BEST2: variants seen among roughly 807,000 people sequenced by gnomAD.
BEST2 encodes bestrophin 2, also known as bestrophin-2a.
A neutral mutation model predicts 49.0 loss-of-function variants in BEST2; 36 were observed. The observed-to-expected ratio is 0.73, with a 90% CI of 0.56 to 0.97. The LOEUF (loss-of-function observed/expected upper bound fraction) is 0.97. Among genes scored for constraint, BEST2 ranks in the 50% least tolerant of loss-of-function variants. BEST2 has a pLI of 0.00. For synonymous variants in BEST2, 335 were observed against 304.4 expected (o/e 1.10, Z -1.05); for missense variants, 672 against 710.0 (o/e 0.95, Z 0.61).
rs1287089879 is a variant in BEST2 at position 12,752,872 on chromosome 19, G to A, written c.152+128G>A. The A allele has an allele frequency of 5.7e-6, 4 of 703,750 alleles. No homozygotes were observed. In the East Asian group the frequency reaches 2.1e-4, roughly 38 times the overall value. The allele number at this position is 703,750 out of a possible 1,614,324, so 43.6% of individuals were successfully genotyped here. On this transcript the variant is annotated intron_variant, in intron 2 of 9. Coordinates refer to ENST00000553030, the MANE Select transcript of BEST2 (RefSeq NM_017682.3). ...ATATCTATGTTTTTTAAACTGAGAT[G>A]GAGTCTCACTCTGTCACCCAGGCTG...
rs1967931850 is a variant in BEST2, at chr19:12,755,540, A to G, written c.715-75A>G. ...AAGGGGAAACCAAGAACTAGCTAAG[A>G]CCCCCATCATAATGATGCCTAATCC... is the stretch of plus-strand genomic sequence containing the variant. On this transcript the variant is annotated intron_variant, in intron 6 of 9. Transcript: ENST00000553030. The surrounding 1 kb of genome is among the most constrained non-coding windows in gnomAD (Gnocchi z 4.4). 2 of 1,607,762 alleles carry G rather than the reference A, an allele frequency of 1.2e-6. No individual in the cohort carries two copies. Among genetic ancestry groups the G allele is most frequent in the South Asian group, 2.2e-5 (2 of 90,912 alleles).
In BEST2 at chr19:12,755,011, G is replaced by T; in HGVS notation, c.616G>T (p.Ala206Ser). 1 of 1,602,872 alleles carries T rather than the reference G, an allele frequency of 6.2e-7. No individual in the cohort carries two copies. The highest frequency in any genetic ancestry group is 8.5e-7 in the Non-Finnish European group (1 of 1,176,854). Reference protein sequence around the residue: ...RREGRIRDNSALKLLLEELNV... With the variant: ...RREGRIRDNSSLKLLLEELNV... ...CGAGGGCCGCATCCGCGACAACAGCGCCCTTAAGCTGCTGCTCGAGGTGGG... is the reference window on the plus strand; with the variant it reads ...CGAGGGCCGCATCCGCGACAACAGCTCCCTTAAGCTGCTGCTCGAGGTGGG... The change falls in exon 5 of 10, where the codon GCC (alanine) becomes TCC (serine). Residue 206 changes from alanine to serine, a missense_variant. Physicochemically the swap from Ala to Ser is moderately conservative, Grantham distance 99. Coordinates refer to ENST00000553030, the MANE Select transcript of BEST2 (RefSeq NM_017682.3). This position sits in a 1 kb window ranked among gnomAD's most constrained non-coding sequence, Gnocchi z 4.4.
Position 12,753,201 on chromosome 19 carries a change from T to C in BEST2, c.153-59T>C, listed in dbSNP as rs7260286. On this transcript the variant is annotated intron_variant, in intron 2 of 9. Coordinates refer to ENST00000553030, the MANE Select transcript of BEST2 (RefSeq NM_017682.3). ...AGGGTGAGGGGCACAGCAAGAGAGATCTGAAGCTGGGGATGGAGTCACCCT... is the reference window on the plus strand; with the variant it reads ...AGGGTGAGGGGCACAGCAAGAGAGACCTGAAGCTGGGGATGGAGTCACCCT... 1.3e-3 allele frequency: 2,057 copies of C among 1,565,624 alleles called. 31 individuals carry two copies. The African/African-American group carries it at 0.025, about 19-fold the overall frequency.
At position 12,757,859 on chromosome 19, in the gene BEST2, G is replaced by C; in HGVS notation, c.1312G>C (p.Val438Leu). 1.3e-6 allele frequency: 2 copies of C among 1,549,172 alleles called. No individual in the cohort carries two copies. Among genetic ancestry groups the C allele is most frequent in the Non-Finnish European group, 1.7e-6 (2 of 1,146,846 alleles). The change falls in exon 10 of 10, where the codon GTC becomes CTC. Residue 438 changes from valine (V) to leucine (L), a missense_variant. By Grantham distance (32) the Val-to-Leu change is conservative. Transcript: ENST00000553030. ...STGASCSCAVVPEGAAPECSC... is the reference protein window; with the variant it reads ...STGASCSCAVLPEGAAPECSC... ...TGGGGCCAGCTGCTCATGCGCGGTT[G>C]TCCCCGAAGGCGCGGCCCCGGAGTG...
intron 3 of BEST2, 23 bp from the exon 4 acceptor site, chr19:12,754,529 C>A: frequency 6.8e-7 from 1 of 1,468,416 alleles, no homozygotes; most frequent in Non-Finnish European, 9.1e-7. Context: ...CCCACTGAGC[C>A]CCCATTCCCC....
intron 3 of BEST2, among the ~76,000 whole-genome samples, chr19:12,753,890 C>G (rs1967901948): frequency 6.6e-6 from 1 of 151,966 alleles, no homozygotes; most frequent in Non-Finnish European, 1.5e-5. Flanking sequence ...GATGTACACC[C>G]CCACAAACCA....
In BEST2 at chr19:12,758,312, T is replaced by C. The variant is rs1967971688; in HGVS notation, c.*235T>C. The C allele has an allele frequency of 1.8e-6, 1 of 567,910 alleles. No homozygotes were observed. The highest frequency in any genetic ancestry group is 3.5e-5 in the Admixed American group (1 of 28,912). 35.2% of individuals were successfully genotyped at this position (567,910 alleles called of 1,614,324 possible). A position where few individuals can be genotyped will look rare whatever the true frequency, so the allele number is the denominator to read the frequency against. Reference sequence around the variant, plus strand: ...TTCCCAACCCCCACTGCCTGAGAGGTCTCTATCAGTGTCCTGCCTGAATTC... The same window carrying C: ...TTCCCAACCCCCACTGCCTGAGAGGCCTCTATCAGTGTCCTGCCTGAATTC... On this transcript the variant is annotated 3_prime_UTR_variant, in exon 10 of 10. Coordinates refer to ENST00000553030, the MANE Select transcript of BEST2 (RefSeq NM_017682.3).
intron 4 of BEST2, 40 bp downstream of exon 4, chr19:12,754,825 G>A (rs1400587937): frequency 2.5e-6 from 4 of 1,588,140 alleles, no homozygotes; most frequent in Non-Finnish European, 3.4e-6. Context: ...ACCGGGCAAG[G>A]ACCAGGTGGA....
rs1274561835 is a variant in BEST2 at position 12,755,819 on chromosome 19, C to T, written c.868-36C>T. 6.2e-7 allele frequency: 1 copy of T among 1,613,756 alleles called. No individual in the cohort carries two copies. The highest frequency in any genetic ancestry group is 8.5e-7 in the Non-Finnish European group (1 of 1,179,720). On this transcript the variant is annotated intron_variant, in intron 7 of 9. Transcript: ENST00000553030. The surrounding 1 kb of genome is among the most constrained non-coding windows in gnomAD (Gnocchi z 4.4). ...TCGTGGGTGGGGCGGGCATGGGGTTCCCAAGTTTCCACCTAACTGCTCCCT... is the reference window on the plus strand; with the variant it reads ...TCGTGGGTGGGGCGGGCATGGGGTTTCCAAGTTTCCACCTAACTGCTCCCT...
At chr19:12,757,313 G>T (rs1307634402) in intron 9 of BEST2, among the ~76,000 whole-genome samples, 2 of 151,776 alleles carry the variant, frequency 1.3e-5, no homozygotes, top group African/African-American at 4.8e-5. Context: ...TCAGGAGGCT[G>T]AGACAGGAGA....
chr19:12,757,211 G>A (rs941099325), intron 9 of BEST2, among the ~76,000 whole-genome samples: 3 of 152,108 alleles, frequency 2.0e-5, no homozygotes, highest in Non-Finnish European at 2.9e-5. Context: ...TCAGGGGTTA[G>A]AGACTAGCCT....
At chr19:12,752,767 A>G in intron 2 of BEST2, 23 bp downstream of exon 2, 1 of 1,595,200 alleles carries the variant, frequency 6.3e-7, no homozygotes, top group Middle Eastern at 2.2e-4. Context: ...TGAGGTGCTC[A>G]TGTTCTAGCG....
Position 12,755,944 on chromosome 19 carries a change from C to T in BEST2, c.948+9C>T. 6.2e-7 allele frequency: 1 copy of T among 1,613,256 alleles called. No homozygotes were observed. Among genetic ancestry groups the T allele is most frequent in the Non-Finnish European group, 8.5e-7 (1 of 1,179,178 alleles). ...TCGATAGAAACTTCCAGGTGAGACT[C>T]AGTTTCCAGGTGAGACTTCCAGGTG... is the stretch of plus-strand genomic sequence containing the variant. On this transcript the variant is annotated intron_variant, in intron 8 of 9. Coordinates refer to ENST00000553030, the MANE Select transcript of BEST2 (RefSeq NM_017682.3). This position sits in a 1 kb window ranked among gnomAD's most constrained non-coding sequence, Gnocchi z 4.4.
chr19:12,753,717 C>T (rs565135869), intron 3 of BEST2, among the ~76,000 whole-genome samples: 1 of 152,244 alleles, frequency 6.6e-6, no homozygotes, highest in South Asian at 2.1e-4. Context: ...CTCTCAATTC[C>T]AGCCTGGGGG....
chr19:12,756,070 C>A, intron 8 of BEST2, 71 bp from the exon 9 acceptor site: 3 of 1,604,510 alleles, frequency 1.9e-6, no homozygotes, highest in Non-Finnish European at 1.7e-6. Flanking sequence ...CCCACCCACC[C>A]GAAGGGGTCC....
At chr19:12,756,388 G>C in intron 9 of BEST2, 93 bp downstream of exon 9, 1 of 1,488,032 alleles carries the variant, frequency 6.7e-7, no homozygotes, top group Non-Finnish European at 9.2e-7. Flanking sequence ...ATCAATTCTG[G>C]AGATGGGGAT....
chr19:12,756,857 A>C (rs1193047372), intron 9 of BEST2, among the ~76,000 whole-genome samples: 3 of 151,550 alleles, frequency 2.0e-5, no homozygotes, highest in Admixed American at 2.0e-4. Flanking sequence ...AAAAATGAAA[A>C]TAAAGGCCAG....
chr19:12,752,625 C>T lies in BEST2; in HGVS notation c.33C>T (p.Asn11=), dbSNP rs750931656. ...TCACCTACACAGCCCGAGTGGCGAA[C>T]GCCCGCTTCGGTGGCTTCTCCCAGC... MTVTYTARVA[N]ARFGGFSQLL... The change falls in exon 2 of 10, where the codon AAC becomes AAT. Residue 11 remains asparagine, a synonymous_variant. Transcript: ENST00000553030. The T allele has an allele frequency of 4.0e-5, 64 of 1,612,210 alleles. No individual in the cohort carries two copies. The highest frequency in any genetic ancestry group is 5.1e-5 in the Non-Finnish European group (60 of 1,179,838).
At chr19:12,753,039 T>C (rs1252405191) in intron 2 of BEST2, among the ~76,000 whole-genome samples, 1 of 151,872 alleles carries the variant, frequency 6.6e-6, no homozygotes, top group Non-Finnish European at 1.5e-5. Flanking sequence ...TTAGTAGAGA[T>C]GGGGTTTCAC....
Sources: gnomAD v4.1 joint callset for allele counts (sites outside exome capture counted in the v4.1 genomes callset) on GRCh38, gnomAD v4.1.1 for gene constraint, Gnocchi (gnomAD v3.1) non-coding constraint, MANE v1.5 for transcripts, NCBI Gene and HGNC (gene_info 2026-07-23, HGNC 2026-07-21) for gene names.